Variants in NUP43 observed in about 807,000 individuals in gnomAD.
NUP43 encodes nucleoporin Nup43.
In NUP43, 32 loss-of-function variants were observed where a neutral mutation model predicts 47.3. That is an observed-to-expected ratio of 0.68 (90% CI 0.51 to 0.91). The LOEUF is 0.91. Ranked by LOEUF, NUP43 falls within the 40% of genes least tolerant of loss-of-function variation. NUP43 has a pLI of 0.00. For synonymous variants in NUP43, 147 were observed against 158.4 expected (o/e 0.93, Z 0.54); for missense variants, 444 against 453.9 (o/e 0.98, Z 0.20).
intron 6 of NUP43, 81 bp downstream of exon 6, chr6:149,736,390 C>T (rs1785358571): frequency 4.4e-6 from 4 of 910,088 alleles, no homozygotes. Context: ...AAATGATCCA[C>T]ATGTATCATT....
intron 6 of NUP43, 35 bp downstream of exon 6, chr6:149,736,436 C>T (rs1183010563): frequency 1.3e-6 from 2 of 1,501,794 alleles, no homozygotes; most frequent in Admixed American, 3.5e-5. Flanking sequence ...TATAACTCAC[C>T]CAATATAAAC....
intron 6 of NUP43, among the ~76,000 whole-genome samples, chr6:149,735,194 C>T (rs1426805116): frequency 6.6e-6 from 1 of 152,000 alleles, no homozygotes; most frequent in African/African-American, 2.4e-5. Context: ...TCCTGAGAAG[C>T]TGGTGCATGC....
At chr6:149,743,911 A>G (rs1785811979) in intron 2 of NUP43, among the ~76,000 whole-genome samples, 196 bp from the exon 3 acceptor site, 2 of 152,364 alleles carry the variant, frequency 1.3e-5, no homozygotes, top group Middle Eastern at 3.4e-3. Flanking sequence ...TGAATAAACA[A>G]TATTTTTTCC....
chr6:149,740,136 C>G (rs907322992), intron 4 of NUP43, among the ~76,000 whole-genome samples: 5 of 151,730 alleles, frequency 3.3e-5, no homozygotes, highest in Non-Finnish European at 7.4e-5. Flanking sequence ...ATTAGCTGGG[C>G]ATGGTGGTGT....
chr6:149,746,615 G>T, upstream of NUP43: 1 of 1,606,736 alleles, frequency 6.2e-7, no homozygotes, highest in Admixed American at 1.7e-5. Flanking sequence ...TGGCTGCAGA[G>T]AGTCAATTCT....
chr6:149,742,959 T>C (rs1785743620), intron 3 of NUP43, among the ~76,000 whole-genome samples: 1 of 152,136 alleles, frequency 6.6e-6, no homozygotes, highest in Non-Finnish European at 1.5e-5. Context: ...GCAGATCATC[T>C]GAGATCAGGG....
rs1221322632 is a variant in NUP43, at chr6:149,746,478, C to A, written c.18G>T (p.Ala6=). 7.4e-6 allele frequency: 12 copies of A among 1,614,204 alleles called. No individual in the cohort carries two copies. Among genetic ancestry groups the A allele is most frequent in the Non-Finnish European group, 1.0e-5 (12 of 1,180,038 alleles). MEEIY[A]KFVSQKISKT... ...TGCTGATTTTCTGGGACACAAACTT[C>A]GCATAAATTTCCTCCATGCCGAAAG... Residue 6 remains alanine (A), a synonymous_variant, in exon 1 of 8, where the codon GCG becomes GCT. Transcript: ENST00000340413.
chr6:149,740,350 G>T (rs9800806), intron 4 of NUP43, among the ~76,000 whole-genome samples: 64,763 of 149,324 alleles, frequency 0.43, 15,008 homozygotes, highest in East Asian at 0.81. Flanking sequence ...AACACAAAAG[G>T]CCAGGTACAG....
intron 5 of NUP43, among the ~76,000 whole-genome samples, chr6:149,737,235 G>A (rs1582971864): frequency 1.3e-5 from 2 of 151,204 alleles, no homozygotes; most frequent in East Asian, 3.9e-4. Context: ...AGTGAGCCAA[G>A]ATCATGCCAC....
chr6:149,729,832 A>G (rs1358660064), intron 7 of NUP43, among the ~76,000 whole-genome samples: 1 of 152,090 alleles, frequency 6.6e-6, no homozygotes, highest in East Asian at 1.9e-4. Flanking sequence ...TGCCTACCAC[A>G]TGGTAGGCAT....
At chr6:149,727,390 A>G in intron 7 of NUP43, 192 bp from the exon 8 acceptor site, 34 of 984,654 alleles carry the variant, frequency 3.5e-5, no homozygotes, top group Non-Finnish European at 4.1e-5. Context: ...AAATATTCAA[A>G]TTTCCATGGG....
rs1445193002 is a variant in NUP43, at chr6:149,726,408, A to AAG, written c.*560_*561insCT. 1 of 152,856 alleles carries AAG rather than the reference A, an allele frequency of 6.5e-6. No individual in the cohort carries two copies. The highest frequency in any genetic ancestry group is 6.5e-5 in the Admixed American group (1 of 15,332). The allele number at this position is 152,856 out of a possible 1,614,324, so 9.5% of individuals were successfully genotyped here. A position where few individuals can be genotyped will look rare whatever the true frequency, so the allele number is the denominator to read the frequency against. On this transcript the variant is annotated 3_prime_UTR_variant, in exon 8 of 8. Coordinates refer to ENST00000340413, the MANE Select transcript of NUP43 (RefSeq NM_198887.3). ...CAAGACTCTGCCTCAAAAAAAAAAA[A>AAG]AAAAAAAAATTGAACACAGCTACAC...
Position 149,746,515 on chromosome 6 carries a change from G to A in NUP43, c.-20C>T, listed in dbSNP as rs370761860. ...CTCCATGCCGAAAGCGGCCGCAGCA[G>A]GTACTGCAAAAAGCAAGCACAGTAC... On this transcript the variant is annotated 5_prime_UTR_variant, in exon 1 of 8. Transcript: ENST00000340413. 1.4e-5 allele frequency: 23 copies of A among 1,613,998 alleles called. No homozygotes were observed. Among genetic ancestry groups the A allele is most frequent in the Non-Finnish European group, 1.7e-5 (20 of 1,180,018 alleles).
intron 6 of NUP43, among the ~76,000 whole-genome samples, chr6:149,734,756 C>T (rs1582966791): frequency 6.9e-6 from 1 of 145,124 alleles, no homozygotes; most frequent in East Asian, 2.1e-4. Flanking sequence ...CGCGATTGTG[C>T]CACTGCACTC....
At chr6:149,746,767 G>A, upstream of NUP43, 1 of 1,227,460 alleles carries the variant, frequency 8.1e-7, no homozygotes, top group South Asian at 1.5e-5. Flanking sequence ...GTATTTTCTT[G>A]TGTTCAATAA....
At chr6:149,747,786 T>G (rs1786088812), upstream of NUP43, among the ~76,000 whole-genome samples, 2 of 152,228 alleles carry the variant, frequency 1.3e-5, no homozygotes, top group African/African-American at 4.8e-5. Flanking sequence ...ATGCTACTGT[T>G]GTTTTTATGT....
chr6:149,737,334 A>G (rs530871830), intron 5 of NUP43, among the ~76,000 whole-genome samples: 5 of 151,492 alleles, frequency 3.3e-5, no homozygotes, highest in Non-Finnish European at 7.4e-5. Flanking sequence ...CACCCAGGCT[A>G]CAGTGCAATG....
At chr6:149,734,371 G>A (rs1373617049) in intron 6 of NUP43, among the ~76,000 whole-genome samples, 5 of 151,622 alleles carry the variant, frequency 3.3e-5, no homozygotes, top group Non-Finnish European at 5.9e-5. Context: ...GTAGGGGTGC[G>A]TGCCTGTAGC....
In NUP43 at chr6:149,725,266, C is replaced by G. The variant is rs951146297; in HGVS notation, c.*1703G>C. On this transcript the variant is annotated 3_prime_UTR_variant, in exon 8 of 8. Coordinates refer to ENST00000340413, the MANE Select transcript of NUP43 (RefSeq NM_198887.3). The stretch of plus-strand genomic sequence containing the variant: ...TGTGGTCAGGAGTTCGAGACCAGCC[C>G]TGGCCAACATGGTGAAACCCTGTCG... 1 of 152,104 alleles carries G rather than the reference C, an allele frequency of 6.6e-6. No homozygotes were observed. The highest frequency in any genetic ancestry group is 1.9e-4 in the East Asian group (1 of 5,178). The allele number at this position is 152,104 out of a possible 1,614,324, so 9.4% of individuals were successfully genotyped here. A position where few individuals can be genotyped will look rare whatever the true frequency, so the allele number is the denominator to read the frequency against.
Sources: allele counts gnomAD v4.1 joint callset (sites outside exome capture counted in the v4.1 genomes callset), GRCh38; gene constraint gnomAD v4.1.1; transcripts MANE v1.5; gene names NCBI Gene and HGNC (gene_info 2026-07-23, HGNC 2026-07-21).